The following TLR6 variants were observed in gnomAD, a reference collection of about 807,000 sequenced individuals.
The protein encoded by TLR6 is toll like receptor 6.
A neutral mutation model predicts 16.1 loss-of-function variants in TLR6; 9 were observed. The ratio of observed to expected loss-of-function variants is 0.56; its 90% CI spans 0.34 to 0.98. The LOEUF is 0.98. Among genes scored for constraint, TLR6 ranks in the 50% least tolerant of loss-of-function variants. TLR6 has a pLI of 0.02. For missense variants in TLR6, 786 were observed against 921.0 expected (o/e 0.85, Z 1.90); for synonymous variants, 340 against 338.6 (o/e 1.00, Z -0.04).
the TLR6 span, among the ~76,000 whole-genome samples, chr4:38,864,672 T>C: frequency 6.6e-6 from 1 of 152,184 alleles, no homozygotes; most frequent in African/African-American, 2.4e-5. Flanking sequence ...AAAACAATTA[T>C]ACGTGCATTT....
chr4:38,865,568 A>G, the TLR6 span, among the ~76,000 whole-genome samples: 1 of 152,208 alleles, frequency 6.6e-6, no homozygotes, highest in Non-Finnish European at 1.5e-5. Flanking sequence ...GTCTCTGGGC[A>G]GGAGCAGAAG....
At chr4:38,860,522 T>C (rs2109484009), upstream of TLR6, among the ~76,000 whole-genome samples, 1 of 134,350 alleles carries the variant, frequency 7.4e-6, no homozygotes, top group East Asian at 2.2e-4. Context: ...AAACCTAAAC[T>C]TCTCTGCTGA....
chr4:38,851,030 C>T (rs1400803497), intron 1 of TLR6, among the ~76,000 whole-genome samples: 1 of 152,136 alleles, frequency 6.6e-6, no homozygotes, highest in Non-Finnish European at 1.5e-5. Context: ...AGCTTATCCA[C>T]CATGATCAAG....
At chr4:38,868,060 T>A in the TLR6 span, 1 of 390,056 alleles carries the variant, frequency 2.6e-6, no homozygotes, top group Non-Finnish European at 5.3e-6. Flanking sequence ...GGCGTGTGAG[T>A]GTGTGTGTGT....
chr4:38,849,463 A>G (rs1217733023), intron 1 of TLR6, among the ~76,000 whole-genome samples: 1 of 152,340 alleles, frequency 6.6e-6, no homozygotes, highest in Non-Finnish European at 1.5e-5. Flanking sequence ...AAATGCTCCA[A>G]TTAAAAGACA....
chr4:38,848,232 A>G (rs981879096), intron 1 of TLR6, among the ~76,000 whole-genome samples: 2 of 152,238 alleles, frequency 1.3e-5, no homozygotes, highest in African/African-American at 4.8e-5. Context: ...CCTGACTGTT[A>G]CAAGGAAAAC....
intron 1 of TLR6, among the ~76,000 whole-genome samples, chr4:38,847,579 C>T (rs186792102): frequency 1.3e-5 from 2 of 152,272 alleles, no homozygotes; most frequent in Admixed American, 1.3e-4. Context: ...TGGGTCACTC[C>T]CACCCTAATA....
intron 1 of TLR6, among the ~76,000 whole-genome samples, chr4:38,833,366 C>T (rs950235654): frequency 6.6e-6 from 1 of 152,236 alleles, no homozygotes; most frequent in African/African-American, 2.4e-5. Flanking sequence ...TCCCCATCCC[C>T]AGCAAAGCCT....
At chr4:38,824,027 C>A (rs1319861739) in exon 2 of TLR6, 1 of 152,408 alleles carries the variant, frequency 6.6e-6, no homozygotes, top group Non-Finnish European at 1.5e-5. Context: ...CGCCCAGGCA[C>A]TGCGGCGGGG....
chr4:38,823,711 T>G (rs2091446698), downstream of TLR6: 1 of 152,196 alleles, frequency 6.6e-6, no homozygotes, highest in African/African-American at 2.4e-5. Flanking sequence ...TTGTTTTTTG[T>G]TTTAGGTCTT....
the TLR6 span, chr4:38,868,077 G>A: frequency 2.4e-6 from 1 of 414,342 alleles, no homozygotes; most frequent in Non-Finnish European, 4.9e-6. Flanking sequence ...GTGTGAGTGT[G>A]TGTCGCTCCG....
At chr4:38,854,371 A>G (rs1301375303) in intron 1 of TLR6, among the ~76,000 whole-genome samples, 9 of 152,346 alleles carry the variant, frequency 5.9e-5, no homozygotes, top group Non-Finnish European at 1.2e-4. Context: ...TTATTTGGCT[A>G]TTTTAGGAAA....
chr4:38,827,169 T>G (rs1036687221), exon 2 of TLR6: 2 of 1,614,100 alleles, frequency 1.2e-6, no homozygotes, highest in Non-Finnish European at 1.7e-6. Flanking sequence ...AGCCCACGTT[T>G]GCTTTTCTCC....
chr4:38,833,460 T>C (rs185281329), intron 1 of TLR6, among the ~76,000 whole-genome samples: 140 of 152,262 alleles, frequency 9.2e-4, no homozygotes, highest in African/African-American at 3.2e-3. Context: ...GAAGAAATCA[T>C]ACAGAAACTA....
chr4:38,857,400 A>G (rs1373983317), upstream of TLR6, among the ~76,000 whole-genome samples: 2 of 152,244 alleles, frequency 1.3e-5, no homozygotes, highest in South Asian at 2.1e-4. Context: ...ATTTTAATTT[A>G]GGAATAATAA....
chr4:38,862,521 T>C, the TLR6 span, among the ~76,000 whole-genome samples: 1 of 152,058 alleles, frequency 6.6e-6, no homozygotes, highest in African/African-American at 2.4e-5. Flanking sequence ...CCTCAAGTGA[T>C]CTGCCCGCCT....
chr4:38,824,852 AG>A (rs1727473726), exon 2 of TLR6: 1 of 152,248 alleles, frequency 6.6e-6, no homozygotes, highest in Non-Finnish European at 1.5e-5. Context: ...CGGGGAGTAC[AG>A]TAGCGCTGTC....
the TLR6 span, among the ~76,000 whole-genome samples, chr4:38,863,218 G>A: frequency 6.6e-6 from 1 of 152,136 alleles, no homozygotes; most frequent in African/African-American, 2.4e-5. Flanking sequence ...ATCCTGAAAT[G>A]TTTTCTTGCC....
intron 1 of TLR6, among the ~76,000 whole-genome samples, chr4:38,841,614 C>T (rs185560184): frequency 6.6e-6 from 1 of 152,230 alleles, no homozygotes; most frequent in Admixed American, 6.5e-5. Context: ...AACAGAAGTC[C>T]TTTTTGCCCA....
Sources: allele counts gnomAD v4.1 joint callset (sites outside exome capture counted in the v4.1 genomes callset), GRCh38; gene constraint gnomAD v4.1.1; transcripts MANE v1.5; gene names NCBI Gene and HGNC (gene_info 2026-07-23, HGNC 2026-07-21).